SYN3: variants seen among roughly 807,000 people sequenced by gnomAD.
The protein encoded by SYN3 is synapsin III.
In SYN3, 35 loss-of-function variants were observed where a neutral mutation model predicts 65.8. The observed-to-expected ratio is 0.53, with a 90% CI of 0.41 to 0.70. The LOEUF (loss-of-function observed/expected upper bound fraction) is 0.70. SYN3 is among the 30% of genes least tolerant of loss of function. SYN3 has a pLI of 0.00. For synonymous variants in SYN3, 270 were observed against 292.9 expected, an observed-to-expected ratio of 0.92 and a Z score of 0.80; for missense variants, 680 against 749.0, an observed-to-expected ratio of 0.91 and a Z score of 1.08.
intron 3 of SYN3, among the ~76,000 whole-genome samples, chr22:32,978,906 T>C (rs2052289449): frequency 6.6e-6 from 1 of 152,066 alleles, no homozygotes; most frequent in Non-Finnish European, 1.5e-5. Context: ...AGGCCAGGTG[T>C]GGTGGCTCAC....
intron 6 of SYN3, among the ~76,000 whole-genome samples, chr22:32,686,917 TG>T (rs2060598143): frequency 6.6e-6 from 1 of 152,016 alleles, no homozygotes; most frequent in African/African-American, 2.4e-5. Context: ...TTGATTTTGA[TG>T]TTATGAAATG....
chr22:32,805,453 C>A (rs906401697), intron 6 of SYN3, among the ~76,000 whole-genome samples: 7 of 152,180 alleles, frequency 4.6e-5, no homozygotes, highest in Admixed American at 2.0e-4. Flanking sequence ...TAGAAAGAAT[C>A]AGACTTTGGA....
At chr22:32,634,935 C>CTT (rs10683651) in intron 6 of SYN3, among the ~76,000 whole-genome samples, 27,353 of 147,516 alleles carry the variant, frequency 0.19, 5,440 homozygotes, top group African/African-American at 0.5. Context: ...TTTTTTGCAA[C>CTT]TTTTTTTTTT....
intron 10 of SYN3, among the ~76,000 whole-genome samples, chr22:32,530,578 ATT>A (rs575048512): frequency 3.2e-5 from 4 of 126,632 alleles, no homozygotes; most frequent in Non-Finnish European, 5.1e-5. Flanking sequence ...CTACGGGCCT[ATT>A]TTTTTTTTTT....
rs73162023 is a variant in SYN3 at position 32,957,928 on chromosome 22, T to C, written c.369+22717A>G. Among the ~76,000 whole-genome samples the C allele has an allele frequency of 7.0e-3, 1,065 of 152,310 alleles. 9 individuals carry two copies. The highest frequency in any genetic ancestry group is 0.035 in the South Asian group (169 of 4,818). On this transcript the variant is annotated intron_variant, in intron 3 of 13. Coordinates refer to ENST00000358763, the MANE Select transcript of SYN3 (RefSeq NM_003490.4). Reference sequence around the variant, plus strand: ...GCATGACTCAGATAGAGCTTCGCGCTAACCCAAACCTAATCTCCAAAACGG... The same window carrying C: ...GCATGACTCAGATAGAGCTTCGCGCCAACCCAAACCTAATCTCCAAAACGG...
intron 6 of SYN3, among the ~76,000 whole-genome samples, chr22:32,615,509 G>T (rs2059506716): frequency 6.6e-6 from 1 of 151,026 alleles, no homozygotes; most frequent in Admixed American, 6.6e-5. Context: ...AACAACAGGG[G>T]CACAGGGTCG....
intron 3 of SYN3, among the ~76,000 whole-genome samples, chr22:32,962,799 G>A (rs1366630694): frequency 2.3e-5 from 3 of 132,248 alleles, no homozygotes; most frequent in Admixed American, 8.1e-5. Flanking sequence ...GCAGAGTATC[G>A]GCATCTATCT....
At chr22:33,040,311 C>T (rs1467838053) in intron 1 of SYN3, among the ~76,000 whole-genome samples, 1 of 152,092 alleles carries the variant, frequency 6.6e-6, no homozygotes, top group African/African-American at 2.4e-5. Context: ...AGCCCCATAA[C>T]AGAGAAAATG....
chr22:32,601,798 C>G (rs1026771118), intron 6 of SYN3, among the ~76,000 whole-genome samples: 1 of 152,044 alleles, frequency 6.6e-6, no homozygotes, highest in African/African-American at 2.4e-5. Context: ...CAGCTGTGGG[C>G]AGGATGGATT....
At chr22:32,643,699 A>G (rs1379990993) in intron 6 of SYN3, among the ~76,000 whole-genome samples, 2 of 152,084 alleles carry the variant, frequency 1.3e-5, no homozygotes, top group Non-Finnish European at 2.9e-5. Flanking sequence ...ATTGGTATGA[A>G]TTTGACCTTG....
intron 4 of SYN3, among the ~76,000 whole-genome samples, chr22:32,888,210 A>G (rs1382793488): frequency 6.6e-6 from 1 of 152,190 alleles, no homozygotes; most frequent in African/African-American, 2.4e-5. Flanking sequence ...CATGACTGGC[A>G]TTTAGTAGAC....
At chr22:33,010,775 C>A (rs192669060) in intron 1 of SYN3, among the ~76,000 whole-genome samples, 2 of 152,094 alleles carry the variant, frequency 1.3e-5, no homozygotes, top group East Asian at 3.9e-4. Flanking sequence ...CACAGTAGAC[C>A]CCTCTACTCA....
chr22:32,642,577 G>A (rs1157113099), intron 6 of SYN3, among the ~76,000 whole-genome samples: 3 of 151,912 alleles, frequency 2.0e-5, no homozygotes, highest in Non-Finnish European at 4.4e-5. Flanking sequence ...GAGTAGCTGG[G>A]ACTACAGGCG....
At chr22:32,517,932 C>G in intron 13 of SYN3, 111 bp downstream of exon 13, 1 of 1,231,242 alleles carries the variant, frequency 8.1e-7, no homozygotes, top group African/African-American at 1.5e-5. Context: ...GAAGTCTAGG[C>G]AAGGCCTCGT....
chr22:32,691,265 C>T (rs1046694460), intron 6 of SYN3, among the ~76,000 whole-genome samples: 1 of 152,100 alleles, frequency 6.6e-6, no homozygotes, highest in African/African-American at 2.4e-5. Flanking sequence ...ACTGCCAGGA[C>T]AGCGCTGTGC....
intron 6 of SYN3, among the ~76,000 whole-genome samples, chr22:32,665,300 T>C (rs1208608765): frequency 6.6e-6 from 1 of 152,078 alleles, no homozygotes; most frequent in Non-Finnish European, 1.5e-5. Flanking sequence ...ACCTGGCCCA[T>C]TGTATCCTCC....
chr22:32,793,639 G>A (rs1023757838), intron 6 of SYN3, among the ~76,000 whole-genome samples: 16 of 152,216 alleles, frequency 1.1e-4, no homozygotes, highest in African/African-American at 3.9e-4. Context: ...TTGAAGGAAG[G>A]AGGGAAGGAA....
chr22:32,981,857 A>G (rs1350409248), intron 2 of SYN3, among the ~76,000 whole-genome samples: 1 of 152,162 alleles, frequency 6.6e-6, no homozygotes, highest in African/African-American at 2.4e-5. Context: ...TCATCATGTT[A>G]TCTTCACATA....
At chr22:32,823,718 G>A (rs2047321116) in intron 6 of SYN3, among the ~76,000 whole-genome samples, 1 of 152,108 alleles carries the variant, frequency 6.6e-6, no homozygotes, top group East Asian at 1.9e-4. Context: ...AATAGGCCGT[G>A]TAGGAGCAGG....
Sources: allele counts gnomAD v4.1 joint callset (sites outside exome capture counted in the v4.1 genomes callset), GRCh38; gene constraint gnomAD v4.1.1; transcripts MANE v1.5; gene names NCBI Gene and HGNC (gene_info 2026-07-23, HGNC 2026-07-21).